The following GPM6A variants were observed in gnomAD, a reference collection of about 807,000 sequenced individuals.
GPM6A encodes the protein neuronal membrane glycoprotein M6-a.
In GPM6A, 7 loss-of-function variants were observed where a neutral mutation model predicts 32.1. That is an observed-to-expected ratio of 0.22 (90% CI 0.12 to 0.41). The LOEUF (loss-of-function observed/expected upper bound fraction) is 0.41. Among genes scored for constraint, GPM6A ranks in the 10% least tolerant of loss-of-function variants. The pLI, the probability that GPM6A is intolerant of heterozygous loss-of-function variation, is 1.00. For missense variants in GPM6A, 235 were observed against 347.2 expected (o/e 0.68, Z 2.57); for synonymous variants, 130 against 123.4 (o/e 1.05, Z -0.35).
intron 4 of GPM6A, among the ~76,000 whole-genome samples, chr4:175,642,660 T>C (rs1190899063): frequency 2.0e-5 from 3 of 152,114 alleles, no homozygotes; most frequent in Non-Finnish European, 2.9e-5. Context: ...CTCCTTCTTC[T>C]CATATTTTTG....
chr4:175,991,085 T>C, intron 1 of GPM6A, among the ~76,000 whole-genome samples: 1 of 151,678 alleles, frequency 6.6e-6, no homozygotes, highest in Non-Finnish European at 1.5e-5. Context: ...CTTTTTTTTT[T>C]TTTTGACGTA....
chr4:175,963,910 T>C (rs1014968645), intron 1 of GPM6A, among the ~76,000 whole-genome samples: 3 of 152,060 alleles, frequency 2.0e-5, no homozygotes, highest in African/African-American at 7.2e-5. Flanking sequence ...TGTGGTAATA[T>C]AGTATTGCCA....
At chr4:175,880,951 C>T (rs1462644696) in intron 1 of GPM6A, among the ~76,000 whole-genome samples, 1 of 152,022 alleles carries the variant, frequency 6.6e-6, no homozygotes, top group African/African-American at 2.4e-5. Flanking sequence ...AGAGGGCATC[C>T]CCGTCTTGTG....
At chr4:175,803,182 A>G (rs979950635) in intron 1 of GPM6A, among the ~76,000 whole-genome samples, 1 of 150,490 alleles carries the variant, frequency 6.6e-6, no homozygotes, top group Non-Finnish European at 1.5e-5. Context: ...CATCATCATC[A>G]TCATCATCAT....
At chr4:176,001,329 G>C (rs1380342557) in intron 1 of GPM6A, among the ~76,000 whole-genome samples, 1 of 152,196 alleles carries the variant, frequency 6.6e-6, no homozygotes, top group Non-Finnish European at 1.5e-5. Context: ...AACTCGGGCT[G>C]CGGGCTGAAC....
At chr4:175,799,516 G>C (rs1296505746) in intron 1 of GPM6A, among the ~76,000 whole-genome samples, 1 of 152,064 alleles carries the variant, frequency 6.6e-6, no homozygotes, top group Non-Finnish European at 1.5e-5. Flanking sequence ...ATTGATATTA[G>C]TGCAAGAAAG....
chr4:175,637,620 A>G (rs1233233003), intron 6 of GPM6A, among the ~76,000 whole-genome samples: 3 of 23,568 alleles, frequency 1.3e-4, no homozygotes, highest in African/African-American at 2.6e-4. Flanking sequence ...AATATATAAT[A>G]TATATTATAT....
intron 1 of GPM6A, among the ~76,000 whole-genome samples, chr4:175,742,817 C>T (rs558643015): frequency 6.4e-4 from 98 of 152,046 alleles, no homozygotes; most frequent in African/African-American, 2.0e-3. Context: ...GTTGAGAATA[C>T]GAACGATGAA....
chr4:175,998,652 T>C (rs1490772284), intron 1 of GPM6A, among the ~76,000 whole-genome samples: 1 of 152,202 alleles, frequency 6.6e-6, no homozygotes, highest in East Asian at 1.9e-4. Flanking sequence ...TTTATAGATT[T>C]TTCACTTGAC....
At chr4:176,001,618 C>G (rs6813460) in intron 1 of GPM6A, among the ~76,000 whole-genome samples, 124,873 of 152,174 alleles carry the variant, frequency 0.82, 52,987 homozygotes, top group Non-Finnish European at 0.94. Flanking sequence ...TGAACTGCGC[C>G]GAACTCCACC....
chr4:175,670,139 C>T (rs1166098211), intron 3 of GPM6A, among the ~76,000 whole-genome samples: 1 of 152,210 alleles, frequency 6.6e-6, no homozygotes, highest in African/African-American at 2.4e-5. Flanking sequence ...AACTAGTAAA[C>T]ACACTTCCAA....
intron 1 of GPM6A, among the ~76,000 whole-genome samples, chr4:175,848,147 C>T (rs976219470): frequency 6.6e-6 from 1 of 152,174 alleles, no homozygotes; most frequent in Non-Finnish European, 1.5e-5. Flanking sequence ...TGTCAAAACA[C>T]CAAGGCTATA....
intron 1 of GPM6A, among the ~76,000 whole-genome samples, chr4:175,741,646 C>T (rs1845732): frequency 0.36 from 54,315 of 151,938 alleles, 9,841 homozygotes; most frequent in East Asian, 0.53. Context: ...ACATCACACT[C>T]ACACTTGTGG....
In GPM6A at chr4:175,634,264, CAAGGAA is replaced by C. The variant is rs1740451059; in HGVS notation, c.*635_*640del. 1.3e-5 allele frequency: 2 copies of C among 152,534 alleles called. No homozygotes were observed. Among genetic ancestry groups the C allele is most frequent in the Admixed American group, 6.6e-5 (1 of 15,254 alleles). The allele number at this position is 152,534 out of a possible 1,614,324, so 9.4% of individuals were successfully genotyped here. ...TGAGGGAAATACCTTTTAAGAACAT[CAAGGAA>C]AAGTACAATGTTAACAAAGATAAGA... On this transcript the variant is annotated 3_prime_UTR_variant, in exon 7 of 7. Coordinates refer to ENST00000393658, the MANE Select transcript of GPM6A (RefSeq NM_201591.3).
At chr4:175,647,805 T>C (rs985305691) in intron 4 of GPM6A, among the ~76,000 whole-genome samples, 2 of 152,214 alleles carry the variant, frequency 1.3e-5, no homozygotes, top group African/African-American at 4.8e-5. Flanking sequence ...CTGATGCTTC[T>C]TGATAATAAT....
At chr4:175,838,644 ATTTTTTTTTT>A (rs569099649) in intron 1 of GPM6A, among the ~76,000 whole-genome samples, 4,522 of 79,844 alleles carry the variant, frequency 0.057, 164 homozygotes, top group East Asian at 0.16. Flanking sequence ...CTAGCAGTGA[ATTTTTTTTTT>A]TTTTTTTTTT....
chr4:175,773,905 A>G (rs371982586), intron 1 of GPM6A, among the ~76,000 whole-genome samples: 15 of 152,318 alleles, frequency 9.8e-5, no homozygotes, highest in East Asian at 5.8e-4. Context: ...TCAAACCAAA[A>G]TGATATACCA....
intron 1 of GPM6A, among the ~76,000 whole-genome samples, chr4:175,754,699 A>G (rs1477042293): frequency 6.6e-6 from 1 of 152,176 alleles, no homozygotes; most frequent in Non-Finnish European, 1.5e-5. Context: ...AAGTACATTC[A>G]CATTTGTTTT....
At chr4:175,856,120 T>C (rs1241256076) in intron 1 of GPM6A, among the ~76,000 whole-genome samples, 1 of 152,266 alleles carries the variant, frequency 6.6e-6, no homozygotes, top group Non-Finnish European at 1.5e-5. Flanking sequence ...TTAATGTTTA[T>C]GTGGTTTTCC....
Sources: gnomAD v4.1 joint callset for allele counts (sites outside exome capture counted in the v4.1 genomes callset) on GRCh38, gnomAD v4.1.1 for gene constraint, MANE v1.5 for transcripts, NCBI Gene and HGNC (gene_info 2026-07-23, HGNC 2026-07-21) for gene names.